ENAH: variants seen among roughly 807,000 people sequenced by gnomAD.
ENAH encodes ENAH actin regulator.
Under a neutral mutation model 78.7 loss-of-function variants are expected in ENAH, and 23 were observed. That is an observed-to-expected ratio of 0.29 (90% CI 0.21 to 0.41). The LOEUF (loss-of-function observed/expected upper bound fraction) is 0.41. ENAH is among the 10% of genes least tolerant of loss of function. The pLI is 1.00. For missense variants in ENAH, 544 were observed against 691.0 expected, an observed-to-expected ratio of 0.79 and a Z score of 2.39; for synonymous variants, 226 against 241.0, an observed-to-expected ratio of 0.94 and a Z score of 0.58.
chr1:225,651,778 TAGGAAAGGCTGGA>T (rs771534367), intron 1 of ENAH, among the ~76,000 whole-genome samples: 15 of 152,142 alleles, frequency 9.9e-5, no homozygotes, highest in Non-Finnish European at 1.6e-4. Flanking sequence ...AGAACAGGTT[TAGGAAAGGCTGGA>T]AAAAAAATCT....
At chr1:225,627,371 GGTT>G (rs1658142384) in intron 1 of ENAH, among the ~76,000 whole-genome samples, 3 of 152,170 alleles carry the variant, frequency 2.0e-5, no homozygotes, top group Admixed American at 2.0e-4. Context: ...GCAGCACACA[GGTT>G]GTAAAGCCCA....
intron 4 of ENAH, chr1:225,524,565 T>C: frequency 3.1e-6 from 3 of 980,442 alleles, no homozygotes; most frequent in Non-Finnish European, 3.6e-6. Context: ...AGTTTTAATA[T>C]TACAAAGCCG....
In ENAH at chr1:225,494,924, A is replaced by G. The variant is rs143053194; in HGVS notation, c.*2851T>C. ...ACGGTAAAAATAGCAGAAAACTGAA[A>G]ATTCTAAAAAGGAAGTACACCTAAA... On this transcript the variant is annotated 3_prime_UTR_variant, in exon 14 of 14. Transcript: ENST00000366843. 1 of 152,776 alleles carries G rather than the reference A, an allele frequency of 6.5e-6. No individual in the cohort carries two copies. The highest frequency in any genetic ancestry group is 1.9e-4 in the East Asian group (1 of 5,190). The allele number at this position is 152,776 out of a possible 1,614,324, so 9.5% of individuals were successfully genotyped here.
chr1:225,492,083 A>ATTTT lies in ENAH; in HGVS notation c.*5688_*5691dup, dbSNP rs34850812. ...CTATGAAAAGCTATATTCTCTTAGAATTTTTTTTTTTTTTTTTTAGAGACA... is the reference window on the plus strand; with the variant it reads ...CTATGAAAAGCTATATTCTCTTAGAATTTTTTTTTTTTTTTTTTTTTTAGAGACA... On this transcript the variant is annotated 3_prime_UTR_variant, in exon 14 of 14. Transcript: ENST00000366843. 1 of 139,910 alleles carries ATTTT rather than the reference A, an allele frequency of 7.1e-6. No homozygotes were observed. Among genetic ancestry groups the ATTTT allele is most frequent in the Admixed American group, 7.2e-5 (1 of 13,922 alleles). 8.7% of individuals were successfully genotyped at this position (139,910 alleles called of 1,614,324 possible).
At chr1:225,543,908 A>T (rs2096601205) in intron 3 of ENAH, among the ~76,000 whole-genome samples, 1 of 152,226 alleles carries the variant, frequency 6.6e-6, no homozygotes, top group Non-Finnish European at 1.5e-5. Flanking sequence ...CTAGATTATG[A>T]AAACAGGAAT....
rs373151309 is a variant in ENAH, at chr1:225,567,232, T to A, written c.171+17A>T. ...AATACTAAATCATTTTTAACAACAA[T>A]TGTAGTAAAGCCTTACCTGATGGTC... On this transcript the variant is annotated intron_variant, in intron 2 of 13. Coordinates refer to ENST00000366843, the MANE Select transcript of ENAH (RefSeq NM_018212.6). The A allele has an allele frequency of 6.2e-7, 1 of 1,606,790 alleles. No individual in the cohort carries two copies. Among genetic ancestry groups the A allele is most frequent in the African/African-American group, 1.3e-5 (1 of 74,616 alleles).
chr1:225,518,961 G>T, intron 5 of ENAH: 1 of 621,050 alleles, frequency 1.6e-6, no homozygotes, highest in South Asian at 2.5e-5. Flanking sequence ...AGAAGAATTA[G>T]AATGGCAGAA....
chr1:225,575,054 T>TC (rs1219075595), intron 1 of ENAH, among the ~76,000 whole-genome samples: 6 of 152,176 alleles, frequency 3.9e-5, no homozygotes, highest in African/African-American at 1.4e-4. Flanking sequence ...TTTTTCCTAG[T>TC]CCATAGCACC....
chr1:225,591,450 A>G (rs560298126), intron 1 of ENAH, among the ~76,000 whole-genome samples: 1 of 150,082 alleles, frequency 6.7e-6, no homozygotes, highest in Non-Finnish European at 1.5e-5. Flanking sequence ...CCTGGGCGAC[A>G]AGAGCGAAAC....
intron 10 of ENAH, 109 bp downstream of exon 10, chr1:225,511,702 T>C: frequency 1.5e-6 from 1 of 659,052 alleles, no homozygotes; most frequent in Non-Finnish European, 2.5e-6. Flanking sequence ...TCTGGCATTT[T>C]AGTGTCCAGT....
intron 1 of ENAH, among the ~76,000 whole-genome samples, chr1:225,609,767 T>C (rs1245227314): frequency 7.0e-6 from 1 of 142,874 alleles, no homozygotes; most frequent in African/African-American, 2.6e-5. Flanking sequence ...CAGGTTCAAG[T>C]GGTTCTCATG....
intron 4 of ENAH, among the ~76,000 whole-genome samples, chr1:225,520,880 G>A (rs948456232): frequency 8.1e-5 from 11 of 135,030 alleles, no homozygotes; most frequent in African/African-American, 2.7e-4. Flanking sequence ...GAAAAGAAAG[G>A]AGGAAGCGGG....
chr1:225,543,343 C>A (rs2096598508), intron 3 of ENAH, among the ~76,000 whole-genome samples: 2 of 152,118 alleles, frequency 1.3e-5, no homozygotes, highest in South Asian at 4.1e-4. Flanking sequence ...ATAATATTTG[C>A]AAAATAAACT....
chr1:225,562,095 G>A (rs929585575), intron 2 of ENAH, among the ~76,000 whole-genome samples: 1 of 151,834 alleles, frequency 6.6e-6, no homozygotes, highest in Non-Finnish European at 1.5e-5. Context: ...GCTAATTTTT[G>A]TATTTTTAGT....
intron 1 of ENAH, among the ~76,000 whole-genome samples, chr1:225,569,016 T>C (rs183377021): frequency 6.6e-6 from 1 of 152,344 alleles, no homozygotes; most frequent in East Asian, 1.9e-4. Context: ...TGACTAAAAC[T>C]TGAATTAGTT....
intron 1 of ENAH, among the ~76,000 whole-genome samples, chr1:225,607,037 CAG>C (rs1351160929): frequency 6.6e-6 from 1 of 151,876 alleles, no homozygotes; most frequent in Admixed American, 6.6e-5. Context: ...CAGAGTGGAG[CAG>C]AGTGTTTCTT....
intron 1 of ENAH, among the ~76,000 whole-genome samples, chr1:225,614,279 G>A (rs1407819801): frequency 2.6e-5 from 4 of 152,016 alleles, no homozygotes; most frequent in African/African-American, 7.3e-5. Flanking sequence ...GGATGGTCTC[G>A]AACTCCTGAC....
intron 1 of ENAH, among the ~76,000 whole-genome samples, chr1:225,598,477 C>T (rs758240969): frequency 8.6e-5 from 13 of 151,462 alleles, no homozygotes; most frequent in Non-Finnish European, 1.5e-4. Flanking sequence ...GGAGACCTCA[C>T]CCAAGAACAC....
chr1:225,556,503 T>C (rs1307813318), intron 2 of ENAH, among the ~76,000 whole-genome samples: 2 of 152,188 alleles, frequency 1.3e-5, no homozygotes, highest in East Asian at 3.8e-4. Flanking sequence ...CTGCTTGAAT[T>C]AAGTCTCTTG....
Sources: allele counts gnomAD v4.1 joint callset (sites outside exome capture counted in the v4.1 genomes callset), GRCh38; gene constraint gnomAD v4.1.1; transcripts MANE v1.5; gene names NCBI Gene and HGNC (gene_info 2026-07-23, HGNC 2026-07-21).